The following MYH14 variants were observed in gnomAD, a reference collection of about 807,000 sequenced individuals.
The protein encoded by MYH14 is myosin-14.
MYH14 carries 123 observed loss-of-function variants against 255.5 expected under a neutral mutation model. That is an observed-to-expected ratio of 0.48 (90% CI 0.42 to 0.56). The LOEUF is 0.56. Among genes scored for constraint, MYH14 ranks in the 20% least tolerant of loss-of-function variants. The probability of loss-of-function intolerance (pLI) is 0.00; values close to 1 mark genes in which losing one functional copy is unlikely to be tolerated. For synonymous variants in MYH14, 1,095 were observed against 1,161.2 expected, an observed-to-expected ratio of 0.94 and a Z score of 1.16; for missense variants, 2,423 against 2,802.3, an observed-to-expected ratio of 0.86 and a Z score of 3.06.
In MYH14 at chr19:50,284,092, C is replaced by CAA. The variant is rs58340482; in HGVS notation, c.4539+2259_4539+2260dup. ...TGTCTCAAAAAAACAAAACAAAAAA[C>CAA]AAAAAAAAAACAAAAAAAAAGAAAG... is the stretch of plus-strand genomic sequence containing the variant. On this transcript the variant is annotated intron_variant, in intron 33 of 42. Transcript: ENST00000642316. Among the ~76,000 whole-genome samples, 859 of 143,692 alleles carry CAA rather than the reference C, an allele frequency of 6.0e-3. 4 individuals carry two copies. Among genetic ancestry groups the CAA allele is most frequent in the Non-Finnish European group, 6.8e-3 (439 of 64,806 alleles). The allele number at this position is 143,692 out of a possible 152,430, so 94.3% of individuals were successfully genotyped here. A position where few individuals can be genotyped will look rare whatever the true frequency, so the allele number is the denominator to read the frequency against.
intron 32 of MYH14, among the ~76,000 whole-genome samples, 157 bp from the exon 33 acceptor site, chr19:50,281,437 A>G (rs1052824075): frequency 6.6e-6 from 1 of 152,224 alleles, no homozygotes; most frequent in Non-Finnish European, 1.5e-5. Context: ...CATAGTATTC[A>G]CAACTTCACA....
At position 50,249,118 on chromosome 19, in the gene MYH14, C is replaced by T. The variant is rs757044693; in HGVS notation, c.1461C>T (p.Ile487=). The change falls in exon 13 of 43, where the codon ATC becomes ATT. Residue 487 remains isoleucine (I), a synonymous_variant. Coordinates refer to ENST00000642316, the MANE Select transcript of MYH14 (RefSeq NM_001145809.2). ...QGASFLGILD[I]AGFEIFQLNS... is the part of the protein sequence containing the mutation. ...CCTCCTTCCTGGGCATCCTGGACAT[C>T]GCGGGCTTTGAGATCTTCCAGGTCC... The T allele has an allele frequency of 3.1e-6, 5 of 1,590,514 alleles. No homozygotes were observed. The highest frequency in any genetic ancestry group is 2.7e-5 in the African/African-American group (2 of 74,492).
rs538511271 is a variant in MYH14 at position 50,212,824 on chromosome 19, C to A, written c.405+2054C>A. Among the ~76,000 whole-genome samples the A allele has an allele frequency of 2.6e-5, 4 of 152,258 alleles. No individual in the cohort carries two copies. The South Asian group carries it at 8.3e-4, about 32-fold the overall frequency. On this transcript the variant is annotated intron_variant, in intron 2 of 42. Coordinates refer to ENST00000642316, the MANE Select transcript of MYH14 (RefSeq NM_001145809.2). ...CTTCTCCAGTCTGCACTGGCCCTTT[C>A]CAAATCCTCAAACACCTTTACTAGC...
intron 40 of MYH14, among the ~76,000 whole-genome samples, chr19:50,302,634 C>T (rs1172919276): frequency 1.3e-5 from 2 of 151,750 alleles, no homozygotes; most frequent in African/African-American, 4.8e-5. Flanking sequence ...GGCACGGTGG[C>T]TCACGCCTGT....
At chr19:50,248,485 C>T (rs968436565) in intron 12 of MYH14, among the ~76,000 whole-genome samples, 6 of 152,152 alleles carry the variant, frequency 3.9e-5, no homozygotes, top group African/African-American at 1.4e-4. Flanking sequence ...CTGCTGGCCC[C>T]AGGCTGGGCA....
chr19:50,211,813 T>C (rs1025516387), intron 2 of MYH14, among the ~76,000 whole-genome samples: 6 of 147,938 alleles, frequency 4.1e-5, no homozygotes, highest in Admixed American at 1.4e-4. Context: ...ACCCCATCCC[T>C]GCAAAAAAAA....
chr19:50,298,959 T>C (rs2036381046), intron 39 of MYH14, among the ~76,000 whole-genome samples: 1 of 151,840 alleles, frequency 6.6e-6, no homozygotes, highest in Non-Finnish European at 1.5e-5. Flanking sequence ...GGCATGATGG[T>C]GTGCACCTGT....
intron 1 of MYH14, among the ~76,000 whole-genome samples, chr19:50,205,786 C>A (rs1266815270): frequency 6.6e-6 from 1 of 152,076 alleles, no homozygotes; most frequent in Non-Finnish European, 1.5e-5. Flanking sequence ...GCTGCAAGCC[C>A]GGATTCTGGG....
chr19:50,254,027 G>A (rs1299090316), intron 16 of MYH14, among the ~76,000 whole-genome samples: 1 of 152,164 alleles, frequency 6.6e-6, no homozygotes, highest in Non-Finnish European at 1.5e-5. Flanking sequence ...AGACCAGCCT[G>A]ACCAACATGG....
chr19:50,253,750 G>A (rs1212869499), intron 16 of MYH14, among the ~76,000 whole-genome samples: 1 of 152,082 alleles, frequency 6.6e-6, no homozygotes, highest in Admixed American at 6.6e-5. Context: ...TTCTGCCACT[G>A]CCCCTGCCCC....
chr19:50,249,218 C>A, intron 13 of MYH14, 79 bp downstream of exon 13: 3 of 1,448,208 alleles, frequency 2.1e-6, no homozygotes, highest in Non-Finnish European at 2.8e-6. Context: ...GGTCTCTCCC[C>A]TTCTCCCTGG....
chr19:50,270,092 C>T (rs957301892), intron 24 of MYH14, among the ~76,000 whole-genome samples: 2 of 152,172 alleles, frequency 1.3e-5, no homozygotes, highest in Admixed American at 1.3e-4. Context: ...GTGTCACACA[C>T]CTGTGGTGTT....
intron 39 of MYH14, among the ~76,000 whole-genome samples, chr19:50,299,414 T>C (rs1490135811): frequency 6.9e-6 from 1 of 145,096 alleles, no homozygotes; most frequent in Non-Finnish European, 1.5e-5. Flanking sequence ...TACAAAAAAA[T>C]ACAAAAATGA....
At chr19:50,229,039 C>T (rs1219517090) in intron 8 of MYH14, among the ~76,000 whole-genome samples, 1 of 152,200 alleles carries the variant, frequency 6.6e-6, no homozygotes, top group Admixed American at 6.5e-5. Context: ...TTCCTCCTCT[C>T]TGCAACCCTG....
intron 2 of MYH14, among the ~76,000 whole-genome samples, chr19:50,216,635 G>A (rs1488196466): frequency 6.6e-6 from 1 of 151,712 alleles, no homozygotes; most frequent in Non-Finnish European, 1.5e-5. Context: ...GACTAGGCAT[G>A]GTCATGTCAG....
At position 50,247,055 on chromosome 19, in the gene MYH14, G is replaced by C; in HGVS notation, c.1262G>C (p.Arg421Pro). The change falls in exon 12 of 43, where the codon CGA becomes CCA. Residue 421 changes from arginine to proline, a missense_variant. Around this residue, in one of 3 missense-constraint regions of MYH14, gnomAD observed 672 missense variants for 881.8 expected, o/e 0.76. Transcript: ENST00000642316. ...GGACTGGGGGTGACGGATTTCTCCC[G>C]AGCCTTGCTCACCCCTCGCATCAAA... is the stretch of plus-strand genomic sequence containing the variant. ...LLGLGVTDFS[R>P]ALLTPRIKVG... The C allele has an allele frequency of 6.2e-7, 1 of 1,613,444 alleles. No homozygotes were observed. Among genetic ancestry groups the C allele is most frequent in the Non-Finnish European group, 8.5e-7 (1 of 1,179,728 alleles).
In MYH14 at chr19:50,230,700, G is replaced by A. The variant is rs1251290545; in HGVS notation, c.973+77G>A. 4 of 1,255,860 alleles carry A rather than the reference G, an allele frequency of 3.2e-6. No homozygotes were observed. Among genetic ancestry groups the A allele is most frequent in the Admixed American group, 4.2e-5 (2 of 47,698 alleles). 77.8% of individuals were successfully genotyped at this position (1,255,860 alleles called of 1,614,324 possible). ...GTCTCTCGGGGGCCCCTTCTGGGGA[G>A]GAAGCAAGAGTGGGGGGCTCTAATA... is the stretch of plus-strand genomic sequence containing the variant. On this transcript the variant is annotated intron_variant, in intron 9 of 42. Transcript: ENST00000642316. The surrounding 1 kb of genome is among the most constrained non-coding windows in gnomAD (Gnocchi z 4.7).
In MYH14 at chr19:50,268,226, C is replaced by G; in HGVS notation, c.2892C>G (p.Ala964=). The part of the protein sequence containing the change: ...LRAEAELCAE[A]EETRGRLAAR... ...CAGAGGCAGAACTGTGTGCAGAGGC[C>G]GAGGAGACGCGGGGGAGGCTGGCAG... The change falls in exon 24 of 43, where the codon GCC becomes GCG. Residue 964 remains alanine (A), a synonymous_variant. Coordinates refer to ENST00000642316, the MANE Select transcript of MYH14 (RefSeq NM_001145809.2). The G allele has an allele frequency of 6.4e-7, 1 of 1,560,708 alleles. No homozygotes were observed. The highest frequency in any genetic ancestry group is 8.7e-7 in the Non-Finnish European group (1 of 1,153,290).
chr19:50,260,800 T>C lies in MYH14; in HGVS notation c.2424+85T>C, dbSNP rs1001325296. 6 of 1,026,884 alleles carry C rather than the reference T, an allele frequency of 5.8e-6. No homozygotes were observed. The African/African-American group carries it at 1.0e-4, about 17-fold the overall frequency. The allele number at this position is 1,026,884 out of a possible 1,614,324, so 63.6% of individuals were successfully genotyped here. A position where few individuals can be genotyped will look rare whatever the true frequency, so the allele number is the denominator to read the frequency against. On this transcript the variant is annotated intron_variant, in intron 20 of 42. Coordinates refer to ENST00000642316, the MANE Select transcript of MYH14 (RefSeq NM_001145809.2). ...GCGTGCATGTGTGTGTGCATGCATATGTGTGCATGCGTGTGTGTGCAAGTG... is the reference window on the plus strand; with the variant it reads ...GCGTGCATGTGTGTGTGCATGCATACGTGTGCATGCGTGTGTGTGCAAGTG...
Sources: allele counts gnomAD v4.1 joint callset (sites outside exome capture counted in the v4.1 genomes callset), GRCh38; gene constraint gnomAD v4.1.1; regional missense constraint gnomAD v4.1.1; non-coding constraint Gnocchi (gnomAD v3.1); transcripts MANE v1.5; gene names NCBI Gene and HGNC (gene_info 2026-07-23, HGNC 2026-07-21).